ECI2: variants seen among roughly 807,000 people sequenced by gnomAD.
The protein encoded by ECI2 is D3,D2-enoyl-CoA isomerase.
ECI2 carries 27 observed loss-of-function variants against 38.4 expected under a neutral mutation model. The observed-to-expected ratio is 0.70, with a 90% CI of 0.52 to 0.97. The LOEUF (loss-of-function observed/expected upper bound fraction) is 0.97, where lower values mean the gene tolerates loss of function less well. ECI2 is among the 50% of genes least tolerant of loss of function. ECI2 has a pLI of 0.00. For missense variants in ECI2, 470 were observed against 474.4 expected (o/e 0.99, Z 0.09); for synonymous variants, 168 against 172.0 (o/e 0.98, Z 0.18).
chr6:4,134,933 G>A (rs1270411458), intron 1 of ECI2, among the ~76,000 whole-genome samples: 3 of 152,166 alleles, frequency 2.0e-5, no homozygotes, highest in African/African-American at 7.2e-5. Context: ...ACCACTTCAA[G>A]GCCACCACCG....
At chr6:4,118,795 T>C (rs659051) in intron 8 of ECI2, 10,632 of 165,234 alleles carry the variant, frequency 0.064, 752 homozygotes, top group East Asian at 0.34. Flanking sequence ...CCTTAGGAGA[T>C]ACTGGTCATC....
At chr6:4,127,575 C>T (rs1030715444) in intron 5 of ECI2, among the ~76,000 whole-genome samples, 187 bp downstream of exon 5, 7 of 151,648 alleles carry the variant, frequency 4.6e-5, no homozygotes, top group African/African-American at 9.7e-5. Flanking sequence ...CCACCATGCC[C>T]GGCTAATTTT....
chr6:4,135,160 TG>T (rs1467351711), intron 1 of ECI2: 18 of 574,636 alleles, frequency 3.1e-5, no homozygotes, highest in African/African-American at 7.4e-5. Context: ...GCAGCCCGGC[TG>T]GGAAGTGCAG....
chr6:4,124,376 C>T (rs1773004797), intron 7 of ECI2, among the ~76,000 whole-genome samples: 7 of 152,174 alleles, frequency 4.6e-5, no homozygotes, highest in Admixed American at 2.6e-4. Flanking sequence ...GGGGAAAATA[C>T]CTCTGAACAA....
chr6:4,133,779 G>C, intron 1 of ECI2, 68 bp from the exon 2 acceptor site: 1 of 1,516,790 alleles, frequency 6.6e-7, no homozygotes, highest in South Asian at 1.3e-5. Flanking sequence ...ATTTCTAATT[G>C]TTCCCAGCCT....
At chr6:4,123,122 A>G (rs1772912945) in intron 7 of ECI2, among the ~76,000 whole-genome samples, 1 of 151,976 alleles carries the variant, frequency 6.6e-6, no homozygotes. Context: ...ATCTTATAAA[A>G]CAATTTTTTC....
intron 7 of ECI2, among the ~76,000 whole-genome samples, chr6:4,121,086 TC>T (rs1399617237): frequency 6.6e-6 from 1 of 152,196 alleles, no homozygotes; most frequent in African/African-American, 2.4e-5. Context: ...GTATGAAAGT[TC>T]CAATTGCTCC....
At chr6:4,121,608 T>C (rs113398757) in intron 7 of ECI2, among the ~76,000 whole-genome samples, 2,451 of 152,248 alleles carry the variant, frequency 0.016, 60 homozygotes, top group African/African-American at 0.056. Context: ...GTCATTTGTC[T>C]TGATTTTGCC....
intron 1 of ECI2, chr6:4,135,145 C>T: frequency 1.8e-6 from 1 of 544,362 alleles, no homozygotes; most frequent in Non-Finnish European, 3.5e-6. Context: ...CTTTGCACCC[C>T]AGAAGCAGCC....
In ECI2 at chr6:4,124,917, C is replaced by T. The variant is rs1581979438; in HGVS notation, c.795+333G>A. 3 of 435,068 alleles carry T rather than the reference C, an allele frequency of 6.9e-6. No individual in the cohort carries two copies. The East Asian group carries it at 2.0e-4, about 29-fold the overall frequency. 27.0% of individuals were successfully genotyped at this position (435,068 alleles called of 1,614,324 possible). On this transcript the variant is annotated intron_variant, in intron 7 of 9. Transcript: ENST00000380118. The stretch of plus-strand genomic sequence containing the variant: ...AAGGATCAACTAATCCCTTGCACAA[C>T]CTGCAAAGATGCTATTCCTCCCTCC...
Position 4,119,270 on chromosome 6 carries a change from T to C in ECI2, c.801A>G (p.Thr267=), listed in dbSNP as rs1772508407. 1 of 1,610,620 alleles carries C rather than the reference T, an allele frequency of 6.2e-7. No individual in the cohort carries two copies. ...FDAVYASDRA[T]FHTPFSHLGQ... is the part of the protein sequence containing the mutation. Reference sequence around the variant, plus strand: ...CTAGGTGACTAAATGGTGTATGAAATGTTGCCTGCAGAGGCAGGAGAGAAA... The same window carrying C: ...CTAGGTGACTAAATGGTGTATGAAACGTTGCCTGCAGAGGCAGGAGAGAAA... The change falls in exon 8 of 10, where the codon ACA becomes ACG. Residue 267 remains threonine (T), a synonymous_variant. Coordinates refer to ENST00000380118, the MANE Select transcript of ECI2 (RefSeq NM_206836.3).
At position 4,133,552 on chromosome 6, in the gene ECI2, C is replaced by T; in HGVS notation, c.210G>A (p.Lys70=). The change falls in exon 2 of 10, where the codon AAG becomes AAA. Residue 70 remains lysine, a synonymous_variant. Transcript: ENST00000380118. ...ACGTTCGACCGTAGGCATTTACCTGCTTATATAGCGCGTAGAGTTTTAGCT... is the reference window on the plus strand; with the variant it reads ...ACGTTCGACCGTAGGCATTTACCTGTTTATATAGCGCGTAGAGTTTTAGCT... ...EVKLKLYALY[K]QATEGPCNMP... The T allele has an allele frequency of 6.2e-7, 1 of 1,610,082 alleles. No homozygotes were observed. Among genetic ancestry groups the T allele is most frequent in the Non-Finnish European group, 8.5e-7 (1 of 1,178,556 alleles).
At chr6:4,121,163 G>T (rs1772721253) in intron 7 of ECI2, among the ~76,000 whole-genome samples, 1 of 152,096 alleles carries the variant, frequency 6.6e-6, no homozygotes, top group South Asian at 2.1e-4. Context: ...TATGTAGTGG[G>T]GTCTCACTGT....
In ECI2 at chr6:4,123,803, C is replaced by T. The variant is rs373904777; in HGVS notation, c.795+1447G>A. 4.6e-5 allele frequency among the ~76,000 whole-genome samples: 7 copies of T among 151,894 alleles called. No homozygotes were observed. In the East Asian group the frequency reaches 1.4e-3, roughly 29 times the overall value. On this transcript the variant is annotated intron_variant, in intron 7 of 9. Coordinates refer to ENST00000380118, the MANE Select transcript of ECI2 (RefSeq NM_206836.3). ...CCGACACAGTGAAACCCTGTCTCTA[C>T]TAAAAATACAAAAAAATTAGCTCGA... is the stretch of plus-strand genomic sequence containing the variant.
chr6:4,127,848 C>T lies in ECI2; in HGVS notation c.502-17G>A, dbSNP rs756278644. ...ATGATACATCTGTGTAATGGGAAGA[C>T]AAGGAAAAGAAAAGAACTCTGAACA... On this transcript the variant is annotated splice_polypyrimidine_tract_variant and intron_variant, in intron 4 of 9. Transcript: ENST00000380118. The T allele has an allele frequency of 1.9e-6, 3 of 1,602,972 alleles. No homozygotes were observed. Among genetic ancestry groups the T allele is most frequent in the Non-Finnish European group, 2.6e-6 (3 of 1,175,470 alleles).
chr6:4,121,696 T>G (rs1262676469), intron 7 of ECI2, among the ~76,000 whole-genome samples: 36 of 133,106 alleles, frequency 2.7e-4, no homozygotes, highest in Admixed American at 2.3e-3. Flanking sequence ...ATTTTTAGTT[T>G]TTTTTTTTTT....
intron 8 of ECI2, 42 bp downstream of exon 8, chr6:4,119,144 G>A (rs1204478802): frequency 2.7e-6 from 4 of 1,504,256 alleles, no homozygotes; most frequent in African/African-American, 2.8e-5. Context: ...TCTTTCTTGA[G>A]ATGACTCATA....
chr6:4,130,315 G>A (rs932080396), intron 4 of ECI2, 57 bp downstream of exon 4: 1 of 1,613,706 alleles, frequency 6.2e-7, no homozygotes, highest in African/African-American at 1.3e-5. Context: ...GCTTTTGTGT[G>A]AAACACATAG....
intron 7 of ECI2, among the ~76,000 whole-genome samples, chr6:4,124,457 A>G (rs1204527637): frequency 1.3e-5 from 2 of 152,228 alleles, no homozygotes; most frequent in African/African-American, 4.8e-5. Flanking sequence ...ACAGTTTACC[A>G]TCACATAAGC....
Sources: allele counts gnomAD v4.1 joint callset (sites outside exome capture counted in the v4.1 genomes callset), GRCh38; gene constraint gnomAD v4.1.1; transcripts MANE v1.5; gene names NCBI Gene and HGNC (gene_info 2026-07-23, HGNC 2026-07-21).